ADAM12: variants seen among roughly 807,000 people sequenced by gnomAD.
ADAM12 encodes disintegrin and metalloproteinase domain-containing protein 12.
Under a neutral mutation model 106.4 loss-of-function variants are expected in ADAM12, and 70 were observed. The observed-to-expected ratio is 0.66, with a 90% CI of 0.54 to 0.80. The LOEUF is 0.80. Among genes scored for constraint, ADAM12 ranks in the 30% least tolerant of loss-of-function variants. The pLI, the probability that ADAM12 is intolerant of heterozygous loss-of-function variation, is 0.00. For missense variants in ADAM12, 1,010 were observed against 1,171.9 expected (o/e 0.86, Z 2.02); for synonymous variants, 420 against 433.5 (o/e 0.97, Z 0.39).
chr10:126,086,680 A>AAAAAAAAAAAAAATATATATATAT (rs1554966976), intron 11 of ADAM12, among the ~76,000 whole-genome samples: 1 of 24,270 alleles, frequency 4.1e-5, no homozygotes, highest in Non-Finnish European at 5.9e-5. Flanking sequence ...AAAAAAAAAA[A>AAAAAAAAAAAAAATATATATATAT]ATATATATAT....
At chr10:126,306,867 G>T (rs188226397) in intron 2 of ADAM12, among the ~76,000 whole-genome samples, 173 of 152,220 alleles carry the variant, frequency 1.1e-3, no homozygotes, top group African/African-American at 4.0e-3. Flanking sequence ...CTCTAATTGG[G>T]GCTAAATGAG....
intron 14 of ADAM12, among the ~76,000 whole-genome samples, chr10:126,051,609 C>T (rs1590340656): frequency 7.6e-6 from 1 of 131,866 alleles, no homozygotes; most frequent in Admixed American, 7.8e-5. Context: ...AGCCACCTGT[C>T]CATCCATCCA....
In ADAM12 at chr10:126,049,703, T is replaced by A; in HGVS notation, c.1610-34A>T. The A allele has an allele frequency of 6.4e-7, 1 of 1,560,708 alleles. No homozygotes were observed. The highest frequency in any genetic ancestry group is 1.8e-5 in the Admixed American group (1 of 55,574). On this transcript the variant is annotated intron_variant, in intron 14 of 22. Transcript: ENST00000448723. The surrounding 1 kb of genome is among the most constrained non-coding windows in gnomAD (Gnocchi z 4.4). ...GAAGCAGAACTGCATTTTCATCTCC[T>A]GCAGGTGATTTTTTTTTTTTCATGG...
intron 1 of ADAM12, among the ~76,000 whole-genome samples, chr10:126,374,440 G>T (rs1856209157): frequency 6.6e-6 from 1 of 151,960 alleles, no homozygotes; most frequent in Admixed American, 6.6e-5. Context: ...AATTATTAAA[G>T]ACATGTAAGA....
intron 2 of ADAM12, among the ~76,000 whole-genome samples, chr10:126,320,361 C>T (rs1299475967): frequency 6.6e-6 from 1 of 152,202 alleles, no homozygotes; most frequent in Non-Finnish European, 1.5e-5. Flanking sequence ...TTACATTCTA[C>T]AACGGTGCTG....
At position 126,053,105 on chromosome 10, in the gene ADAM12, C is replaced by T. The variant is rs572191412; in HGVS notation, c.1610-3436G>A. 1.3e-5 allele frequency among the ~76,000 whole-genome samples: 2 copies of T among 152,106 alleles called. No individual in the cohort carries two copies. Among genetic ancestry groups the T allele is most frequent in the Non-Finnish European group, 2.9e-5 (2 of 68,022 alleles). On this transcript the variant is annotated intron_variant, in intron 14 of 22. Coordinates refer to ENST00000448723, the MANE Select transcript of ADAM12 (RefSeq NM_001288973.2). This position sits in a 1 kb window ranked among gnomAD's most constrained non-coding sequence, Gnocchi z 4.6. ...GGTCGTTTAAAAGTGTGTGGCACCTCCCTTTTCCTTCTCTCTCTTGCTCCT... is the reference window on the plus strand; with the variant it reads ...GGTCGTTTAAAAGTGTGTGGCACCTTCCTTTTCCTTCTCTCTCTTGCTCCT...
rs568287329 is a variant in ADAM12, at chr10:126,186,063, G to A, written c.261-30758C>T. ...CAATGAGAGCTAAAGCACTAAGAGA[G>A]GGGACTGTGCCTGTCCTGTGTCCCC... On this transcript the variant is annotated intron_variant, in intron 3 of 22. Coordinates refer to ENST00000448723, the MANE Select transcript of ADAM12 (RefSeq NM_001288973.2). Among the ~76,000 whole-genome samples the A allele has an allele frequency of 1.8e-4, 27 of 152,274 alleles. 1 individual carries two copies. The South Asian group carries it at 4.1e-3, about 23-fold the overall frequency.
chr10:126,180,592 GTGTC>G (rs1363999681), intron 3 of ADAM12, among the ~76,000 whole-genome samples: 29 of 152,180 alleles, frequency 1.9e-4, no homozygotes, highest in Non-Finnish European at 1.3e-4. Flanking sequence ...ATAAGCCCCA[GTGTC>G]TGTCTGTCTA....
chr10:126,176,832 C>A (rs771002405), intron 3 of ADAM12, among the ~76,000 whole-genome samples: 1 of 152,124 alleles, frequency 6.6e-6, no homozygotes, highest in Non-Finnish European at 1.5e-5. Flanking sequence ...CTGGGGACTG[C>A]AGGAGCTTCC....
intron 3 of ADAM12, among the ~76,000 whole-genome samples, chr10:126,165,457 G>A (rs1957007850): frequency 6.6e-6 from 1 of 152,176 alleles, no homozygotes; most frequent in Non-Finnish European, 1.5e-5. Context: ...GTGCCCAGCC[G>A]GGGGCATTCG....
chr10:126,305,369 T>A (rs1178848277), intron 2 of ADAM12, among the ~76,000 whole-genome samples: 1 of 151,850 alleles, frequency 6.6e-6, no homozygotes, highest in Non-Finnish European at 1.5e-5. Flanking sequence ...CACAAAAGAG[T>A]ACAATCACAT....
At position 126,360,237 on chromosome 10, in the gene ADAM12, T is replaced by G. The variant is rs576587674; in HGVS notation, c.88+27821A>C. ...AGACCTCTGACTTGCCCTGGAGACA[T>G]TTTCCCCATTGTCTTGGGATTAACA... On this transcript the variant is annotated intron_variant, in intron 1 of 22. Transcript: ENST00000448723. Among the ~76,000 whole-genome samples the G allele has an allele frequency of 7.7e-4, 117 of 152,308 alleles. 2 individuals are homozygous for G. Among genetic ancestry groups the G allele is most frequent in the African/African-American group, 9.6e-4 (40 of 41,566 alleles).
intron 2 of ADAM12, among the ~76,000 whole-genome samples, chr10:126,309,119 G>A (rs562687333): frequency 6.6e-6 from 1 of 151,564 alleles, no homozygotes; most frequent in Non-Finnish European, 1.5e-5. Context: ...GCCCAGGCTT[G>A]GCCAATCACC....
chr10:126,156,488 G>A (rs964237576), intron 3 of ADAM12, among the ~76,000 whole-genome samples: 29 of 152,192 alleles, frequency 1.9e-4, no homozygotes, highest in Non-Finnish European at 2.4e-4. Flanking sequence ...ATTCTGTAAC[G>A]GGGATCTTGA....
At chr10:126,038,890 T>A (rs946945288) in intron 19 of ADAM12, among the ~76,000 whole-genome samples, 1 of 151,134 alleles carries the variant, frequency 6.6e-6, no homozygotes, top group African/African-American at 2.4e-5. Flanking sequence ...CCAGAAAATC[T>A]GACCTTTGCT....
rs573846480 is a variant in ADAM12 at position 126,049,857 on chromosome 10, C to T, written c.1610-188G>A. Among the ~76,000 whole-genome samples the T allele has an allele frequency of 2.6e-5, 4 of 152,136 alleles. No homozygotes were observed. Among genetic ancestry groups the T allele is most frequent in the Admixed American group, 6.5e-5 (1 of 15,286 alleles). ...CAGCAGCTCGCATCCTCTCTTGACT[C>T]GGCCTCTGGCAGAGCACATGTTCCA... On this transcript the variant is annotated intron_variant, in intron 14 of 22. Coordinates refer to ENST00000448723, the MANE Select transcript of ADAM12 (RefSeq NM_001288973.2). The surrounding 1 kb of genome is among the most constrained non-coding windows in gnomAD (Gnocchi z 4.4).
intron 18 of ADAM12, chr10:126,041,579 C>T: frequency 1.0e-6 from 1 of 986,216 alleles, no homozygotes; most frequent in Non-Finnish European, 1.2e-6. Context: ...GTTTCATTGC[C>T]ATTCAGTTTG....
In ADAM12 at chr10:126,016,346, G is replaced by A. The variant is rs989691091; in HGVS notation, c.*933C>T. On this transcript the variant is annotated 3_prime_UTR_variant, in exon 23 of 23. Transcript: ENST00000448723. ...GGAAAGCCTCATCTGTCTGAATACA[G>A]GATCATTGTATTACAGTTTGTGGTG... is the stretch of plus-strand genomic sequence containing the variant. 2.0e-5 allele frequency: 3 copies of A among 152,132 alleles called. No individual in the cohort carries two copies. The highest frequency in any genetic ancestry group is 7.2e-5 in the African/African-American group (3 of 41,426). 9.4% of individuals were successfully genotyped at this position (152,132 alleles called of 1,614,324 possible).
intron 21 of ADAM12, among the ~76,000 whole-genome samples, chr10:126,022,047 G>T (rs1447927187): frequency 6.6e-6 from 1 of 152,164 alleles, no homozygotes; most frequent in South Asian, 2.1e-4. Context: ...TGACTAAGCT[G>T]TCTTGGCAAT....
Sources: allele counts gnomAD v4.1 joint callset (sites outside exome capture counted in the v4.1 genomes callset), GRCh38; gene constraint gnomAD v4.1.1; non-coding constraint Gnocchi (gnomAD v3.1); transcripts MANE v1.5; gene names NCBI Gene and HGNC (gene_info 2026-07-23, HGNC 2026-07-21).